Variants in STPG2 observed in about 807,000 individuals in gnomAD.
STPG2 encodes the protein sperm tail PG-rich repeat containing 2, also known as sperm-tail PG-rich repeat-containing protein 2.
Under a neutral mutation model 54.2 loss-of-function variants are expected in STPG2, and 56 were observed. The observed-to-expected ratio is 1.03, with a 90% CI of 0.83 to 1.29. The LOEUF (loss-of-function observed/expected upper bound fraction) is 1.29, where lower values mean the gene tolerates loss of function less well. STPG2 is among the 50% of genes most tolerant of loss of function. The pLI is 0.00. For missense variants in STPG2, 596 were observed against 544.9 expected (o/e 1.09, Z -0.93); for synonymous variants, 200 against 181.8 (o/e 1.10, Z -0.81).
At position 97,979,392 on chromosome 4, in the gene STPG2, T is replaced by C. The variant is rs1322662305; in HGVS notation, c.772+1767A>G. Among the ~76,000 whole-genome samples, 4 of 152,308 alleles carry C rather than the reference T, an allele frequency of 2.6e-5. No individual in the cohort carries two copies. The East Asian group carries it at 7.7e-4, about 29-fold the overall frequency. ...GCCCAGCTGATTTTCAGAATTGCTATGGTACTGTGACTGTTGTGGGCCTCC... is the reference window on the plus strand; with the variant it reads ...GCCCAGCTGATTTTCAGAATTGCTACGGTACTGTGACTGTTGTGGGCCTCC... On this transcript the variant is annotated intron_variant, in intron 6 of 10. Coordinates refer to ENST00000295268, the MANE Select transcript of STPG2 (RefSeq NM_174952.3).
At chr4:97,944,031 G>T in intron 7 of STPG2, 24 bp from the exon 8 acceptor site, 1 of 1,463,656 alleles carries the variant, frequency 6.8e-7, no homozygotes, top group Middle Eastern at 2.0e-4. Context: ...GGGTTAAAAA[G>T]AGTACATCAT....
chr4:97,774,661 G>T (rs1349710665), intron 9 of STPG2, among the ~76,000 whole-genome samples: 1 of 151,748 alleles, frequency 6.6e-6, no homozygotes, highest in East Asian at 1.9e-4. Flanking sequence ...ATTAGGTTTG[G>T]GTGAGTATAT....
chr4:97,671,534 A>T (rs189780863), intron 10 of STPG2, among the ~76,000 whole-genome samples: 18 of 152,370 alleles, frequency 1.2e-4, no homozygotes, highest in African/African-American at 4.1e-4. Context: ...AACTAAATGT[A>T]TAGTGTAAGA....
intron 5 of STPG2, among the ~76,000 whole-genome samples, chr4:98,084,302 A>T (rs1738442438): frequency 6.6e-6 from 1 of 152,192 alleles, no homozygotes; most frequent in Non-Finnish European, 1.5e-5. Flanking sequence ...TTATAGTGCT[A>T]AATAGTATTA....
intron 7 of STPG2, among the ~76,000 whole-genome samples, chr4:97,969,147 G>C (rs1222022680): frequency 6.6e-6 from 1 of 152,156 alleles, no homozygotes; most frequent in African/African-American, 2.4e-5. Context: ...CTAACCAGTT[G>C]TCTAGTTTCA....
chr4:97,638,273 G>T (rs1176402950), intron 10 of STPG2, among the ~76,000 whole-genome samples: 1 of 152,076 alleles, frequency 6.6e-6, no homozygotes, highest in Non-Finnish European at 1.5e-5. Context: ...AATGGTACTG[G>T]GAAAACTGGC....
chr4:98,107,058 C>G (rs1481334647), intron 4 of STPG2, among the ~76,000 whole-genome samples: 1 of 152,168 alleles, frequency 6.6e-6, no homozygotes, highest in Admixed American at 6.6e-5. Flanking sequence ...AAAGGCTCAC[C>G]TCCTCACTGA....
intron 5 of STPG2, among the ~76,000 whole-genome samples, chr4:97,994,485 T>C (rs958223894): frequency 7.9e-5 from 12 of 152,184 alleles, no homozygotes; most frequent in African/African-American, 2.9e-4. Context: ...TTAAGTCCAT[T>C]CGTTGTAGGG....
intron 8 of STPG2, among the ~76,000 whole-genome samples, chr4:97,911,904 T>C (rs1305569301): frequency 1.3e-5 from 2 of 150,794 alleles, no homozygotes; most frequent in Non-Finnish European, 3.0e-5. Flanking sequence ...CCAACAAGAG[T>C]CTCCAGACAC....
chr4:97,764,837 A>C (rs917183707), intron 9 of STPG2, among the ~76,000 whole-genome samples: 8 of 152,178 alleles, frequency 5.3e-5, no homozygotes, highest in Non-Finnish European at 1.2e-4. Context: ...AGCCAGCAAC[A>C]AAGGACATGG....
intron 9 of STPG2, among the ~76,000 whole-genome samples, chr4:97,808,078 A>G (rs1727625549): frequency 6.6e-6 from 1 of 152,030 alleles, no homozygotes; most frequent in South Asian, 2.1e-4. Context: ...TTTTAGACAC[A>G]ATAAAAAGAA....
intron 8 of STPG2, among the ~76,000 whole-genome samples, chr4:97,927,194 A>T (rs1404302813): frequency 6.8e-6 from 1 of 148,110 alleles, no homozygotes; most frequent in Non-Finnish European, 1.5e-5. Context: ...TTATTTTTAA[A>T]TTCCTTTTCA....
At chr4:97,991,904 CTTTT>C (rs1425409018) in intron 5 of STPG2, among the ~76,000 whole-genome samples, 1 of 151,998 alleles carries the variant, frequency 6.6e-6, no homozygotes, top group Non-Finnish European at 1.5e-5. Context: ...TGTATATCTT[CTTTT>C]GAGAATTGTC....
chr4:97,597,770 C>A (rs924180950), intron 10 of STPG2, among the ~76,000 whole-genome samples: 1 of 152,056 alleles, frequency 6.6e-6, no homozygotes, highest in Non-Finnish European at 1.5e-5. Context: ...AACCCACAAC[C>A]TACATCATAC....
intron 9 of STPG2, among the ~76,000 whole-genome samples, chr4:97,742,038 A>C (rs1725257656): frequency 6.6e-6 from 1 of 152,184 alleles, no homozygotes; most frequent in Non-Finnish European, 1.5e-5. Flanking sequence ...GCAGCCATAC[A>C]AAATGATGAG....
At chr4:97,983,418 T>C (rs1560622342) in intron 5 of STPG2, among the ~76,000 whole-genome samples, 1 of 152,172 alleles carries the variant, frequency 6.6e-6, no homozygotes, top group Admixed American at 6.5e-5. Flanking sequence ...TTTCAAATGC[T>C]TGGAGGGTTG....
In STPG2 at chr4:97,485,404, T is replaced by G. The variant is rs547587173; in HGVS notation, c.462+227295A>C. Among the ~76,000 whole-genome samples the G allele has an allele frequency of 1.5e-4, 23 of 151,956 alleles. No homozygotes were observed. In the East Asian group the frequency reaches 3.3e-3, roughly 22 times the overall value. ...TGTACACAAATCAGTAGCTCTTCTATACACCAACAGCGGCCAAGTGGAGAA... is the reference window on the plus strand; with the variant it reads ...TGTACACAAATCAGTAGCTCTTCTAGACACCAACAGCGGCCAAGTGGAGAA... On this transcript the variant is annotated intron_variant, in intron 4 of 4. Coordinates refer to the STPG2 transcript ENST00000522676.
intron 6 of STPG2, among the ~76,000 whole-genome samples, chr4:97,979,228 C>G (rs532145732): frequency 4.9e-4 from 73 of 150,042 alleles, no homozygotes; most frequent in Non-Finnish European, 1.0e-3. Context: ...AAAGCTACAG[C>G]GGCAAACACA....
At chr4:97,872,681 C>G (rs1387733628) in intron 8 of STPG2, among the ~76,000 whole-genome samples, 6 of 151,100 alleles carry the variant, frequency 4.0e-5, no homozygotes. Context: ...ATAAACATGA[C>G]AGATCATAGG....
Sources: gnomAD v4.1 joint callset for allele counts (sites outside exome capture counted in the v4.1 genomes callset) on GRCh38, gnomAD v4.1.1 for gene constraint, MANE v1.5 for transcripts, NCBI Gene and HGNC (gene_info 2026-07-23, HGNC 2026-07-21) for gene names.